The following PIK3C2G variants were observed in gnomAD, a reference collection of about 807,000 sequenced individuals.
The protein encoded by PIK3C2G is phosphatidylinositol-4-phosphate 3-kinase catalytic subunit type 2 gamma, also known as phosphatidylinositol 3-kinase C2 domain-containing subunit gamma.
PIK3C2G carries 168 observed loss-of-function variants against 181.1 expected under a neutral mutation model. That is an observed-to-expected ratio of 0.93 (90% CI 0.82 to 1.05). PIK3C2G has a LOEUF of 1.05. Ranked by LOEUF, PIK3C2G falls within the 50% of genes least tolerant of loss-of-function variation. The pLI, the probability that PIK3C2G is intolerant of heterozygous loss-of-function variation, is 0.00. For missense variants in PIK3C2G, 1,869 were observed against 1,732.8 expected (o/e 1.08, Z -1.40); for synonymous variants, 573 against 592.2 (o/e 0.97, Z 0.47).
intron 7 of PIK3C2G, among the ~76,000 whole-genome samples, chr12:18,324,077 G>A (rs1951224400): frequency 5.3e-5 from 8 of 151,984 alleles, no homozygotes; most frequent in Admixed American, 4.6e-4. Context: ...AACATTAGCC[G>A]GGCGTGGTGG....
intron 12 of PIK3C2G, among the ~76,000 whole-genome samples, chr12:18,366,622 T>C (rs910541091): frequency 6.6e-6 from 1 of 152,126 alleles, no homozygotes. Flanking sequence ...GCAAAACTAT[T>C]TCATATACAA....
chr12:18,648,486 C>T (rs1950273175), downstream of PIK3C2G: 4 of 180,642 alleles, frequency 2.2e-5, no homozygotes, highest in Admixed American at 6.3e-5. Flanking sequence ...CATAATCTTA[C>T]TTATTGAGGG....
chr12:18,351,906 T>G (rs1940250973), intron 11 of PIK3C2G, among the ~76,000 whole-genome samples: 1 of 152,220 alleles, frequency 6.6e-6, no homozygotes, highest in Non-Finnish European at 1.5e-5. Flanking sequence ...TTGTAGCCTT[T>G]GAGCAATAGG....
At position 18,362,902 on chromosome 12, in the gene PIK3C2G, A is replaced by G. The variant is rs1208583223; in HGVS notation, c.1748+16A>G. The G allele has an allele frequency of 2.0e-6, 3 of 1,475,874 alleles. No individual in the cohort carries two copies. Among genetic ancestry groups the G allele is most frequent in the South Asian group, 2.6e-5 (2 of 75,628 alleles). 91.4% of individuals were successfully genotyped at this position (1,475,874 alleles called of 1,614,324 possible). ...GGAATGAAACGTAAGTTTAATCTTT[A>G]CTGTATCTGGATCATTTATGTAATA... On this transcript the variant is annotated intron_variant, in intron 12 of 32. Transcript: ENST00000538779.
At chr12:18,586,068 T>C (rs1445850215) in intron 29 of PIK3C2G, among the ~76,000 whole-genome samples, 2 of 152,172 alleles carry the variant, frequency 1.3e-5, no homozygotes, top group African/African-American at 4.8e-5. Context: ...GGGACATTTA[T>C]AGCTCTAAAC....
rs538444577 is a variant in PIK3C2G, at chr12:18,272,987, C to G, written c.-78-9017C>G. 3.1e-5 allele frequency among the ~76,000 whole-genome samples: 4 copies of G among 128,766 alleles called. No homozygotes were observed. The South Asian group carries it at 7.2e-4, about 23-fold the overall frequency. The allele number at this position is 128,766 out of a possible 152,430, so 84.5% of individuals were successfully genotyped here. The stretch of plus-strand genomic sequence containing the variant: ...AGGAATGAAGTTATAAGAAATGACA[C>G]TCACACACACACACACCCCCATCCA... On this transcript the variant is annotated intron_variant, in intron 1 of 32. Coordinates refer to ENST00000538779, the MANE Select transcript of PIK3C2G (RefSeq NM_001288772.2).
intron 28 of PIK3C2G, among the ~76,000 whole-genome samples, chr12:18,565,338 A>C (rs1223670405): frequency 6.6e-6 from 1 of 152,214 alleles, no homozygotes; most frequent in African/African-American, 2.4e-5. Flanking sequence ...TTCCAGGGGT[A>C]CACGACATGA....
chr12:18,661,055 CA>C, the PIK3C2G span, among the ~76,000 whole-genome samples: 1 of 151,930 alleles, frequency 6.6e-6, no homozygotes, highest in African/African-American at 2.4e-5. Context: ...TATATATGAG[CA>C]GTTAGAAGAA....
chr12:18,379,555 T>G, intron 13 of PIK3C2G, among the ~76,000 whole-genome samples: 1 of 152,178 alleles, frequency 6.6e-6, no homozygotes. Flanking sequence ...TCTCACACCC[T>G]GGCTCTCTTC....
At chr12:18,660,502 A>G in the PIK3C2G span, among the ~76,000 whole-genome samples, 1 of 152,140 alleles carries the variant, frequency 6.6e-6, no homozygotes, top group Non-Finnish European at 1.5e-5. Context: ...GCCAGACATT[A>G]AAGACTAGGA....
intron 15 of PIK3C2G, among the ~76,000 whole-genome samples, chr12:18,392,134 G>A (rs562595750): frequency 6.6e-6 from 1 of 152,164 alleles, no homozygotes; most frequent in East Asian, 1.9e-4. Context: ...TGATAGCAGT[G>A]GATATTCATA....
chr12:18,481,321 C>T (rs996208044), intron 18 of PIK3C2G, among the ~76,000 whole-genome samples: 3 of 152,092 alleles, frequency 2.0e-5, no homozygotes, highest in Non-Finnish European at 4.4e-5. Flanking sequence ...GGGTTGACCA[C>T]GTTTTTCTGT....
In PIK3C2G at chr12:18,647,941, T is replaced by A; in HGVS notation, c.4374T>A (p.Thr1458=). The A allele has an allele frequency of 6.2e-7, 1 of 1,601,084 alleles. No individual in the cohort carries two copies. The highest frequency in any genetic ancestry group is 8.5e-7 in the Non-Finnish European group (1 of 1,171,882). ...HVLMLIVKSK[T]VFVGAINIRL... is the part of the protein sequence containing the mutation. ...TAATGCTTATTGTGAAGAGTAAAAC[T>A]GTATTTGTGGGAGCAATTAACATCC... The change falls in exon 33 of 33, where the codon ACT becomes ACA. Residue 1458 remains threonine (T), a synonymous_variant. Transcript: ENST00000538779.
intron 18 of PIK3C2G, among the ~76,000 whole-genome samples, chr12:18,460,026 A>G (rs1009334416): frequency 6.6e-6 from 1 of 152,098 alleles, no homozygotes; most frequent in Non-Finnish European, 1.5e-5. Context: ...CGGCCTCCCA[A>G]AGTGCTGGGA....
At chr12:18,661,271 G>C in the PIK3C2G span, among the ~76,000 whole-genome samples, 13 of 152,066 alleles carry the variant, frequency 8.5e-5, no homozygotes, top group East Asian at 7.8e-4. Context: ...AGTGTGATGA[G>C]ATACAAGAAT....
chr12:18,401,592 C>T (rs559559651), intron 16 of PIK3C2G, among the ~76,000 whole-genome samples: 55 of 152,070 alleles, frequency 3.6e-4, no homozygotes, highest in Non-Finnish European at 6.6e-4. Context: ...TCACAACTGA[C>T]AGAATAAGAG....
Position 18,286,834 on chromosome 12 carries a change from A to AT in PIK3C2G, c.679-9dup, listed in dbSNP as rs780513602. On this transcript the variant is annotated splice_polypyrimidine_tract_variant and intron_variant, in intron 2 of 32. Coordinates refer to ENST00000538779, the MANE Select transcript of PIK3C2G (RefSeq NM_001288772.2). ...TCTCCAAATTATATTAATTTAGTAG[A>AT]TTTTATTTTAAGTCAATAGGTTGTT... 7.3e-7 allele frequency: 1 copy of AT among 1,369,964 alleles called. No individual in the cohort carries two copies. Among genetic ancestry groups the AT allele is most frequent in the African/African-American group, 1.5e-5 (1 of 67,720 alleles). 84.9% of individuals were successfully genotyped at this position (1,369,964 alleles called of 1,614,324 possible).
At chr12:18,701,766 A>G in the PIK3C2G span, 1 of 1,602,178 alleles carries the variant, frequency 6.2e-7, no homozygotes, top group Non-Finnish European at 8.5e-7. Context: ...TAATATTTTG[A>G]ATTTTAGTGC....
In PIK3C2G at chr12:18,570,095, T is replaced by A. The variant is rs112495741; in HGVS notation, c.4011+3038T>A. Among the ~76,000 whole-genome samples the A allele has an allele frequency of 6.9e-4, 105 of 152,308 alleles. 1 individual carries two copies. The highest frequency in any genetic ancestry group is 1.9e-3 in the African/African-American group (80 of 41,570). On this transcript the variant is annotated intron_variant, in intron 29 of 32. Coordinates refer to ENST00000538779, the MANE Select transcript of PIK3C2G (RefSeq NM_001288772.2). The stretch of plus-strand genomic sequence containing the variant: ...TTTCTTAGTAAGAACATACCCTACC[T>A]CAATGTCATAAATGTGTGAATCTTT...
Sources: gnomAD v4.1 joint callset for allele counts (sites outside exome capture counted in the v4.1 genomes callset) on GRCh38, gnomAD v4.1.1 for gene constraint, MANE v1.5 for transcripts, NCBI Gene and HGNC (gene_info 2026-07-23, HGNC 2026-07-21) for gene names.